Variants in MBNL3 observed in about 807,000 individuals in gnomAD.
MBNL3 encodes the protein muscleblind like splicing regulator 3.
Under a neutral mutation model 24.5 loss-of-function variants are expected in MBNL3, and 6 were observed. The observed-to-expected ratio is 0.25, with a 90% CI of 0.13 to 0.48. The LOEUF is 0.48. Among genes scored for constraint, MBNL3 ranks in the 20% least tolerant of loss-of-function variants. The pLI is 0.99. For synonymous variants in MBNL3, 100 were observed against 101.7 expected, an observed-to-expected ratio of 0.98 and a Z score of 0.10; for missense variants, 230 against 293.5, an observed-to-expected ratio of 0.78 and a Z score of 1.58.
At chrX:132,453,445 A>G (rs1237808964) in intron 1 of MBNL3, among the ~76,000 whole-genome samples, 1 of 111,796 alleles carries the variant, frequency 8.9e-6, no homozygotes, top group African/African-American at 3.3e-5. Flanking sequence ...CAAGATAGAG[A>G]GTATTTCAAG....
Position 132,374,892 on chromosome X carries a change from A to T in MBNL3, c.*4774T>A, listed in dbSNP as rs1041050914. 3 of 112,025 alleles carry T rather than the reference A, an allele frequency of 2.7e-5. No homozygotes were observed. Among genetic ancestry groups the T allele is most frequent in the African/African-American group, 9.7e-5 (3 of 30,895 alleles). 9.2% of individuals were successfully genotyped at this position (112,025 alleles called of 1,213,427 possible). ...ACAGCTATGCCACTTGAATGGGGTA[A>T]TTTTGAATTAAGTTATAAAAAAAGT... On this transcript the variant is annotated 3_prime_UTR_variant, in exon 9 of 9. Transcript: ENST00000370853.
chrX:132,415,160 T>C (rs1215086154), intron 2 of MBNL3, among the ~76,000 whole-genome samples: 1 of 111,914 alleles, frequency 8.9e-6, no homozygotes, highest in East Asian at 2.8e-4. Flanking sequence ...AGGCTTTCCA[T>C]GACTTAAGGG....
In MBNL3 at chrX:132,462,433, T is replaced by G. The variant is rs901192663; in HGVS notation, c.-703-22119A>C. Among the ~76,000 whole-genome samples the G allele has an allele frequency of 3.6e-5, 4 of 112,480 alleles. No homozygotes were observed. The Admixed American group carries it at 3.8e-4, about 11-fold the overall frequency. ...AAGCAGACTGTAAAACTGCTGGGAA[T>G]CTGCTAGAGAAGTTCACAGGTAATT... On this transcript the variant is annotated intron_variant, in intron 1 of 8. Transcript: ENST00000370853.
chrX:132,488,229 T>G (rs1052016434), intron 1 of MBNL3, among the ~76,000 whole-genome samples: 12 of 110,842 alleles, frequency 1.1e-4, no homozygotes, highest in African/African-American at 2.3e-4. Flanking sequence ...TAGCTAGCTA[T>G]CTAAGAGTGC....
chrX:132,467,859 G>T (rs894864689), intron 1 of MBNL3, among the ~76,000 whole-genome samples: 2 of 112,277 alleles, frequency 1.8e-5, no homozygotes, highest in African/African-American at 6.5e-5. Context: ...AATATTGAAA[G>T]ATGAAAGGTT....
Position 132,370,111 on chromosome X carries a change from T to G in MBNL3, c.*9555A>C, listed in dbSNP as rs1440504307. 1 of 111,451 alleles carries G rather than the reference T, an allele frequency of 9.0e-6. No individual in the cohort carries two copies. 9.2% of individuals were successfully genotyped at this position (111,451 alleles called of 1,213,427 possible). A position where few individuals can be genotyped will look rare whatever the true frequency, so the allele number is the denominator to read the frequency against. On this transcript the variant is annotated 3_prime_UTR_variant, in exon 9 of 9. Transcript: ENST00000370853. ...CCCACTGTCCTCCTGCCTAAGGGAGTAGTGTAAGTCAGGCACTGAACAGAA... is the reference window on the plus strand; with the variant it reads ...CCCACTGTCCTCCTGCCTAAGGGAGGAGTGTAAGTCAGGCACTGAACAGAA...
chrX:132,416,343 T>TAAAACAAAACAAAACAAAAC (rs201556977), intron 2 of MBNL3, among the ~76,000 whole-genome samples: 1 of 110,043 alleles, frequency 9.1e-6, no homozygotes, highest in Non-Finnish European at 1.9e-5. Context: ...ATGCGAGAGC[T>TAAAACAAAACAAAACAAAAC]AAAACAAAAC....
rs190016246 is a variant in MBNL3 at position 132,397,106 on chromosome X, A to C, written c.343-4772T>G. ...TTACATAGTTACTAATATTAGGATT[A>C]GGATTTTTAACTATTTGTTTATAGA... On this transcript the variant is annotated intron_variant, in intron 3 of 8. Coordinates refer to ENST00000370853, the MANE Select transcript of MBNL3 (RefSeq NM_001386889.1). Among the ~76,000 whole-genome samples the C allele has an allele frequency of 3.8e-3, 400 of 105,264 alleles. 2 individuals carry two copies. Among genetic ancestry groups the C allele is most frequent in the Non-Finnish European group, 6.4e-3 (329 of 51,492 alleles). 91.4% of individuals were successfully genotyped at this position (105,264 alleles called of 115,157 possible).
chrX:132,454,890 G>A (rs945351929), intron 1 of MBNL3, among the ~76,000 whole-genome samples: 1 of 111,865 alleles, frequency 8.9e-6, no homozygotes, highest in Admixed American at 9.5e-5. Context: ...ACAGGCCTGA[G>A]GGTATCCTTC....
rs1194959360 is a variant in MBNL3 at position 132,370,429 on chromosome X, T to G, written c.*9237A>C. ...ACAAAATTACGAGAGTGTTCATTTT[T>G]TGGCCTTCCTGATGTGGTGAATGAC... On this transcript the variant is annotated 3_prime_UTR_variant, in exon 9 of 9. Coordinates refer to ENST00000370853, the MANE Select transcript of MBNL3 (RefSeq NM_001386889.1). The G allele has an allele frequency of 1.8e-5, 2 of 111,858 alleles. No homozygotes were observed. Among genetic ancestry groups the G allele is most frequent in the Non-Finnish European group, 3.8e-5 (2 of 53,170 alleles). The allele number at this position is 111,858 out of a possible 1,213,427, so 9.2% of individuals were successfully genotyped here.
chrX:132,425,844 G>A (rs1203396441), intron 2 of MBNL3, among the ~76,000 whole-genome samples: 1 of 111,693 alleles, frequency 9.0e-6, no homozygotes, highest in Admixed American at 9.5e-5. Flanking sequence ...CGTATATAAC[G>A]TAAAAGCACT....
rs1226754443 is a variant in MBNL3, at chrX:132,372,638, A to C, written c.*7028T>G. The C allele has an allele frequency of 9.0e-6, 1 of 110,683 alleles. No individual in the cohort carries two copies. Among genetic ancestry groups the C allele is most frequent in the African/African-American group, 3.3e-5 (1 of 30,618 alleles). 9.1% of individuals were successfully genotyped at this position (110,683 alleles called of 1,213,427 possible). A position where few individuals can be genotyped will look rare whatever the true frequency, so the allele number is the denominator to read the frequency against. On this transcript the variant is annotated 3_prime_UTR_variant, in exon 9 of 9. Transcript: ENST00000370853. ...TAATTTGTTTCCATCACTAACAAAT[A>C]GCATCTCTACACAGAAATAAAGCTC...
intron 1 of MBNL3, among the ~76,000 whole-genome samples, chrX:132,447,154 T>C (rs1479075423): frequency 1.8e-5 from 2 of 112,029 alleles, no homozygotes; most frequent in African/African-American, 6.5e-5. Flanking sequence ...TTGGTTACTG[T>C]AACCTTGTAG....
chrX:132,390,829 G>A lies in MBNL3; in HGVS notation c.771+18C>T. 1.7e-6 allele frequency: 2 copies of A among 1,171,953 alleles called. No homozygotes were observed. The highest frequency in any genetic ancestry group is 1.2e-6 in the Non-Finnish European group (1 of 859,997). On this transcript the variant is annotated intron_variant, in intron 5 of 8. Coordinates refer to ENST00000370853, the MANE Select transcript of MBNL3 (RefSeq NM_001386889.1). The stretch of plus-strand genomic sequence containing the variant: ...GCATTTACTCTGAAACAGGCCACAA[G>A]TGCAGGCCTTTTCTTACCATGGCAG...
chrX:132,472,260 T>C (rs1048015221), intron 1 of MBNL3, among the ~76,000 whole-genome samples: 1 of 111,848 alleles, frequency 8.9e-6, no homozygotes, highest in African/African-American at 3.3e-5. Flanking sequence ...TTTAGGAACA[T>C]TGATGCTGCA....
At chrX:132,464,102 GAATT>G (rs1569458716) in intron 1 of MBNL3, among the ~76,000 whole-genome samples, 1 of 112,452 alleles carries the variant, frequency 8.9e-6, no homozygotes, top group East Asian at 2.8e-4. Flanking sequence ...TGAAAATACG[GAATT>G]AATTTTTTAA....
At chrX:132,380,370 G>T (rs973023216) in intron 8 of MBNL3, among the ~76,000 whole-genome samples, 1 of 112,038 alleles carries the variant, frequency 8.9e-6, no homozygotes, top group Non-Finnish European at 1.9e-5. Flanking sequence ...TTTCCAAGTT[G>T]CCACTATCCC....
At chrX:132,397,226 A>G (rs1158768744) in intron 3 of MBNL3, among the ~76,000 whole-genome samples, 1 of 109,340 alleles carries the variant, frequency 9.1e-6, no homozygotes, top group Non-Finnish European at 1.9e-5. Context: ...CTCTTAAAGG[A>G]TTCTGAGGCA....
In MBNL3 at chrX:132,375,609, A is replaced by G. The variant is rs1247075100; in HGVS notation, c.*4057T>C. On this transcript the variant is annotated 3_prime_UTR_variant, in exon 9 of 9. Transcript: ENST00000370853. ...AAGTTGTTATACTCTTGGACATGCT[A>G]TTTATTCTAGTGCCTTCTACAGGCA... is the stretch of plus-strand genomic sequence containing the variant. 8.9e-6 allele frequency: 1 copy of G among 111,799 alleles called. No individual in the cohort carries two copies. Among genetic ancestry groups the G allele is most frequent in the Non-Finnish European group, 1.9e-5 (1 of 52,951 alleles). The allele number at this position is 111,799 out of a possible 1,213,427, so 9.2% of individuals were successfully genotyped here.
Sources: allele counts gnomAD v4.1 joint callset (sites outside exome capture counted in the v4.1 genomes callset), GRCh38; gene constraint gnomAD v4.1.1; transcripts MANE v1.5; gene names NCBI Gene and HGNC (gene_info 2026-07-23, HGNC 2026-07-21).